Variants in PKM observed in about 807,000 individuals in gnomAD.
The protein encoded by PKM is pyruvate kinase PKM.
Under a neutral mutation model 49.8 loss-of-function variants are expected in PKM, and 18 were observed. The ratio of observed to expected loss-of-function variants is 0.36; its 90% CI spans 0.25 to 0.54. The LOEUF (loss-of-function observed/expected upper bound fraction) is 0.54. Among genes scored for constraint, PKM ranks in the 20% least tolerant of loss-of-function variants. PKM has a pLI of 0.89. For synonymous variants in PKM, 239 were observed against 261.8 expected, an observed-to-expected ratio of 0.91 and a Z score of 0.84; for missense variants, 508 against 713.8, an observed-to-expected ratio of 0.71 and a Z score of 3.28.
At position 72,214,939 on chromosome 15, in the gene PKM, G is replaced by A. The variant is rs8192398; in HGVS notation, c.246+2470C>T. On this transcript the variant is annotated intron_variant, in intron 3 of 10. Coordinates refer to ENST00000335181, the MANE Select transcript of PKM (RefSeq NM_002654.6). ...CAAAGCTGTTAAAAGAGGGCTGGGC[G>A]TGGTGGCTCACGCCTTTAGGAGGCC... 3.7e-4 allele frequency among the ~76,000 whole-genome samples: 56 copies of A among 152,304 alleles called. 1 individual carries two copies. Among genetic ancestry groups the A allele is most frequent in the African/African-American group, 1.0e-3 (42 of 41,566 alleles).
In PKM at chr15:72,200,997, C is replaced by A; in HGVS notation, c.1308-342G>T. On this transcript the variant is annotated intron_variant, in intron 9 of 10. Coordinates refer to ENST00000335181, the MANE Select transcript of PKM (RefSeq NM_002654.6). This position sits in a 1 kb window ranked among gnomAD's most constrained non-coding sequence, Gnocchi z 4.6. ...TCTGACACAGAGAGGCAGCCCTGGC[C>A]CAATGTCACCAGCACCCATTCCTCT... 3.9e-6 allele frequency: 1 copy of A among 256,340 alleles called. No individual in the cohort carries two copies. Among genetic ancestry groups the A allele is most frequent in the Non-Finnish European group, 7.6e-6 (1 of 131,608 alleles). 15.9% of individuals were successfully genotyped at this position (256,340 alleles called of 1,614,324 possible).
chr15:72,210,419 G>A lies in PKM; in HGVS notation c.306C>T (p.Pro102=), dbSNP rs11558378. The stretch of plus-strand genomic sequence containing the variant: ...CCACAGCAACGGGCCGGTAGAGGAT[G>A]GGGTCAGAAGCAAAGCTTTCCGTGG... The part of the protein sequence containing the change: ...RTATESFASD[P]ILYRPVAVAL... Residue 102 remains proline, a synonymous_variant, in exon 4 of 11, where the codon CCC becomes CCT. Transcript: ENST00000335181. The A allele has an allele frequency of 3.1e-6, 5 of 1,614,132 alleles. No homozygotes were observed. The highest frequency in any genetic ancestry group is 3.3e-5 in the Admixed American group (2 of 60,032).
chr15:72,218,571 C>T (rs1043851664), intron 2 of PKM, among the ~76,000 whole-genome samples: 4 of 151,452 alleles, frequency 2.6e-5, no homozygotes, highest in African/African-American at 9.7e-5. Flanking sequence ...AGGTGCATGC[C>T]ACCATGCCCA....
At position 72,202,274 on chromosome 15, in the gene PKM, G is replaced by C; in HGVS notation, c.1307+180C>G. Reference sequence around the variant, plus strand: ...ACATTCCTTATGAGTGCTACCTAGAGTCCTTTGGGCCCAGGGAAGGGGCTC... The same window carrying C: ...ACATTCCTTATGAGTGCTACCTAGACTCCTTTGGGCCCAGGGAAGGGGCTC... On this transcript the variant is annotated intron_variant, in intron 9 of 10. Transcript: ENST00000335181. This position sits in a 1 kb window ranked among gnomAD's most constrained non-coding sequence, Gnocchi z 4.5. 1.5e-6 allele frequency: 1 copy of C among 648,226 alleles called. No homozygotes were observed. Among genetic ancestry groups the C allele is most frequent in the Non-Finnish European group, 2.7e-6 (1 of 364,826 alleles). The allele number at this position is 648,226 out of a possible 1,614,324, so 40.2% of individuals were successfully genotyped here.
intron 1 of PKM, among the ~76,000 whole-genome samples, chr15:72,220,429 C>T (rs187007122): frequency 2.0e-5 from 3 of 152,268 alleles, no homozygotes; most frequent in Admixed American, 2.0e-4. Context: ...TCCATCTCTG[C>T]CATCTCCAAA....
intron 1 of PKM, among the ~76,000 whole-genome samples, chr15:72,226,310 G>A (rs1039715843): frequency 4.6e-5 from 7 of 152,148 alleles, no homozygotes; most frequent in African/African-American, 1.7e-4. Flanking sequence ...GGTGGATCAC[G>A]AGGTCAGCAG....
Position 72,200,287 on chromosome 15 carries a change from A to G in PKM, c.1489+187T>C, listed in dbSNP as rs1411239017. ...CTTTTCCCTCCTGGCTCAGCTTAGG[A>G]CTTCGGAGAATGAGAGATTCAGAAT... On this transcript the variant is annotated intron_variant, in intron 10 of 10. Transcript: ENST00000335181. The surrounding 1 kb of genome is among the most constrained non-coding windows in gnomAD (Gnocchi z 4.6). 6.6e-6 allele frequency among the ~76,000 whole-genome samples: 1 copy of G among 152,160 alleles called. No homozygotes were observed. The highest frequency in any genetic ancestry group is 1.5e-5 in the Non-Finnish European group (1 of 68,030).
At chr15:72,227,549 G>C (rs1043963756) in intron 1 of PKM, among the ~76,000 whole-genome samples, 3 of 151,976 alleles carry the variant, frequency 2.0e-5, no homozygotes, top group African/African-American at 7.3e-5. Flanking sequence ...TTCAAGACCA[G>C]CCTGGCCAAC....
At position 72,200,491 on chromosome 15, in the gene PKM, T is replaced by C; in HGVS notation, c.1472A>G (p.Asn491Ser). ...AWAEDVDLRV[N>S]FAMNVGKARG... is the part of the protein sequence containing the mutation. ...CCACGTACCAACATTCATGGCAAAGTTCACCCGGAGGTCCACGTCCTCAGC... is the reference window on the plus strand; with the variant it reads ...CCACGTACCAACATTCATGGCAAAGCTCACCCGGAGGTCCACGTCCTCAGC... The change falls in exon 10 of 11, where the codon AAC (asparagine) becomes AGC (serine). Residue 491 changes from asparagine to serine, a missense_variant. Physicochemically the swap from Asn to Ser is conservative, Grantham distance 46. Coordinates refer to ENST00000335181, the MANE Select transcript of PKM (RefSeq NM_002654.6). This position sits in a 1 kb window ranked among gnomAD's most constrained non-coding sequence, Gnocchi z 4.6. 6.2e-7 allele frequency: 1 copy of C among 1,613,442 alleles called. No individual in the cohort carries two copies. Among genetic ancestry groups the C allele is most frequent in the East Asian group, 2.2e-5 (1 of 44,860 alleles).
chr15:72,223,459 G>A (rs957300597), intron 1 of PKM, among the ~76,000 whole-genome samples: 3 of 152,022 alleles, frequency 2.0e-5, no homozygotes, highest in Admixed American at 6.6e-5. Flanking sequence ...TTCCTGTGAC[G>A]TCAGTTTGCT....
At chr15:72,208,073 A>G (rs1164876622) in intron 6 of PKM, among the ~76,000 whole-genome samples, 1 of 152,216 alleles carries the variant, frequency 6.6e-6, no homozygotes, top group African/African-American at 2.4e-5. Flanking sequence ...GAGAAGAACC[A>G]CACATCTTCC....
intron 8 of PKM, chr15:72,203,438 G>A: frequency 1.9e-6 from 1 of 531,960 alleles, no homozygotes. Context: ...TTTTTTCATT[G>A]GGGGTGGAGG....
chr15:72,229,645 G>C (rs2082788296), intron 1 of PKM: 2 of 1,255,382 alleles, frequency 1.6e-6, no homozygotes, highest in Non-Finnish European at 2.1e-6. Flanking sequence ...GAGGCTTCCT[G>C]TCCCCCTCCC....
intron 6 of PKM, among the ~76,000 whole-genome samples, chr15:72,207,701 G>T (rs1021776885): frequency 1.1e-4 from 17 of 152,248 alleles, no homozygotes; most frequent in African/African-American, 3.9e-4. Context: ...GACACTTGAG[G>T]ACTGCCCTTT....
chr15:72,225,769 C>T (rs573387219), intron 1 of PKM, among the ~76,000 whole-genome samples: 23 of 152,336 alleles, frequency 1.5e-4, no homozygotes, highest in African/African-American at 4.1e-4. Context: ...CTGGTGGCCA[C>T]TCTCCCTCCC....
intron 8 of PKM, chr15:72,203,005 T>C (rs1170638398): frequency 6.2e-7 from 1 of 1,612,600 alleles, no homozygotes; most frequent in South Asian, 1.1e-5. Context: ...CAGTGTTACC[T>C]GCCCTTAGGG....
intron 3 of PKM, among the ~76,000 whole-genome samples, chr15:72,215,750 C>T (rs1386491651): frequency 1.3e-5 from 2 of 152,192 alleles, no homozygotes; most frequent in Non-Finnish European, 2.9e-5. Context: ...AAATCTATTT[C>T]TGCTCCTTCC....
rs2081878036 is a variant in PKM at position 72,199,500 on chromosome 15, T to C, written c.*150A>G. The C allele has an allele frequency of 4.2e-6, 3 of 714,356 alleles. No homozygotes were observed. The highest frequency in any genetic ancestry group is 7.7e-6 in the Non-Finnish European group (3 of 387,756). The allele number at this position is 714,356 out of a possible 1,614,324, so 44.3% of individuals were successfully genotyped here. On this transcript the variant is annotated 3_prime_UTR_variant, in exon 11 of 11. Coordinates refer to ENST00000335181, the MANE Select transcript of PKM (RefSeq NM_002654.6). ...AGAGCAGGCTGCAAACACAGCCATG[T>C]TTCAGTGAGGCGTTGATCTTCTTCC...
chr15:72,230,056 A>G (rs1350702914), intron 1 of PKM, among the ~76,000 whole-genome samples: 1 of 152,180 alleles, frequency 6.6e-6, no homozygotes, highest in Non-Finnish European at 1.5e-5. Context: ...CGCCCGGTGA[A>G]GCGGGGTGGG....
Sources: allele counts gnomAD v4.1 joint callset (sites outside exome capture counted in the v4.1 genomes callset), GRCh38; gene constraint gnomAD v4.1.1; non-coding constraint Gnocchi (gnomAD v3.1); transcripts MANE v1.5; gene names NCBI Gene and HGNC (gene_info 2026-07-23, HGNC 2026-07-21).